SLC25A13: variants seen among roughly 807,000 people sequenced by gnomAD.
SLC25A13 encodes electrogenic aspartate/glutamate antiporter SLC25A13, mitochondrial.
SLC25A13 carries 70 observed loss-of-function variants against 85.5 expected under a neutral mutation model. The observed-to-expected ratio is 0.82, with a 90% CI of 0.68 to 1.00. The LOEUF (loss-of-function observed/expected upper bound fraction) is 1.00. SLC25A13 is among the 50% of genes least tolerant of loss of function. The probability of loss-of-function intolerance (pLI) is 0.00; values close to 1 mark genes in which losing one functional copy is unlikely to be tolerated. For synonymous variants in SLC25A13, 259 were observed against 288.7 expected, an observed-to-expected ratio of 0.90 and a Z score of 1.04; for missense variants, 765 against 819.8, an observed-to-expected ratio of 0.93 and a Z score of 0.82.
chr7:96,127,875 T>C (rs998522304), intron 15 of SLC25A13, among the ~76,000 whole-genome samples: 1 of 152,226 alleles, frequency 6.6e-6, no homozygotes, highest in African/African-American at 2.4e-5. Context: ...CTGAATACCA[T>C]GTATCCTCTC....
intron 13 of SLC25A13, among the ~76,000 whole-genome samples, chr7:96,156,887 A>T (rs1428382838): frequency 6.6e-6 from 1 of 152,148 alleles, no homozygotes; most frequent in African/African-American, 2.4e-5. Flanking sequence ...AACTAGTGAC[A>T]GTTTTAATTT....
Position 96,121,696 on chromosome 7 carries a change from G to A in SLC25A13, c.1800C>T (p.Tyr600=), listed in dbSNP as rs765919667. Residue 600 remains tyrosine (Y), a synonymous_variant, in exon 17 of 18, where the codon TAC becomes TAT. Transcript: ENST00000265631. ...SPQFGVTLLT[Y]ELLQRWFYID... ...TGTAGAACCATCGCTGTAGCAATTC[G>A]TAAGTCAGCAAAGTTACACCAAACT... is the stretch of plus-strand genomic sequence containing the variant. 2.7e-5 allele frequency: 43 copies of A among 1,613,996 alleles called. No homozygotes were observed. Among genetic ancestry groups the A allele is most frequent in the Admixed American group, 3.3e-5 (2 of 60,010 alleles).
At chr7:96,312,871 T>C (rs1799998158) in intron 1 of SLC25A13, among the ~76,000 whole-genome samples, 2 of 152,140 alleles carry the variant, frequency 1.3e-5, no homozygotes, top group Admixed American at 6.5e-5. Flanking sequence ...ACAGAGAAGA[T>C]AGGACATACA....
chr7:96,268,917 C>G (rs1422818928), intron 3 of SLC25A13, among the ~76,000 whole-genome samples: 1 of 152,210 alleles, frequency 6.6e-6, no homozygotes, highest in Non-Finnish European at 1.5e-5. Context: ...ACCTCCAACT[C>G]CTGCAACTCA....
chr7:96,315,357 C>G (rs190487334), intron 1 of SLC25A13, among the ~76,000 whole-genome samples: 16 of 152,330 alleles, frequency 1.1e-4, no homozygotes, highest in African/African-American at 3.6e-4. Context: ...AGGCCACACC[C>G]AAGTCCAATT....
At chr7:96,230,210 C>A (rs1046480973) in intron 4 of SLC25A13, among the ~76,000 whole-genome samples, 3 of 152,104 alleles carry the variant, frequency 2.0e-5, no homozygotes, top group African/African-American at 7.2e-5. Flanking sequence ...ATAAAATGAA[C>A]AAAGGAAGCC....
chr7:96,204,575 A>T (rs2116700715), intron 5 of SLC25A13, among the ~76,000 whole-genome samples: 1 of 152,322 alleles, frequency 6.6e-6, no homozygotes, highest in South Asian at 2.1e-4. Flanking sequence ...AAAGGAAAAA[A>T]AAATTTGGCA....
At chr7:96,318,810 G>A (rs1191845701) in intron 1 of SLC25A13, among the ~76,000 whole-genome samples, 4 of 152,220 alleles carry the variant, frequency 2.6e-5, no homozygotes, top group Non-Finnish European at 5.9e-5. Context: ...ATTTGTCACA[G>A]TGAGTGTAGT....
At chr7:96,214,276 G>T (rs887382831) in intron 4 of SLC25A13, among the ~76,000 whole-genome samples, 1 of 152,002 alleles carries the variant, frequency 6.6e-6, no homozygotes, top group African/African-American at 2.4e-5. Context: ...TTTAAAAGTT[G>T]GGTCACAGAT....
chr7:96,294,573 C>T (rs1799272550), intron 2 of SLC25A13, among the ~76,000 whole-genome samples: 1 of 147,750 alleles, frequency 6.8e-6, no homozygotes, highest in South Asian at 2.2e-4. Context: ...GCGCAACCTG[C>T]ACTCCAGCCT....
chr7:96,189,501 T>C, intron 8 of SLC25A13, 80 bp downstream of exon 8: 1 of 1,549,892 alleles, frequency 6.5e-7, no homozygotes, highest in Non-Finnish European at 8.9e-7. Flanking sequence ...TTTGGCTTCT[T>C]TTTCTCCTGA....
At chr7:96,178,821 C>G (rs906265054) in intron 11 of SLC25A13, among the ~76,000 whole-genome samples, 1 of 152,186 alleles carries the variant, frequency 6.6e-6, no homozygotes, top group African/African-American at 2.4e-5. Flanking sequence ...ACTCAGATTG[C>G]CCCTAGGCAT....
At chr7:96,298,061 T>A (rs1562914875) in intron 1 of SLC25A13, among the ~76,000 whole-genome samples, 1 of 152,168 alleles carries the variant, frequency 6.6e-6, no homozygotes, top group Non-Finnish European at 1.5e-5. Flanking sequence ...AAAAACATCA[T>A]GAGACTGGGT....
intron 13 of SLC25A13, among the ~76,000 whole-genome samples, chr7:96,155,685 A>G (rs2116517242): frequency 6.6e-6 from 1 of 152,324 alleles, no homozygotes; most frequent in South Asian, 2.1e-4. Flanking sequence ...AGCTGTAACT[A>G]CTTGAATAAC....
At chr7:96,255,952 A>G (rs975273108) in intron 3 of SLC25A13, among the ~76,000 whole-genome samples, 1 of 152,196 alleles carries the variant, frequency 6.6e-6, no homozygotes, top group Admixed American at 6.5e-5. Context: ...TTTTCAACCC[A>G]GAATTTCATA....
intron 1 of SLC25A13, among the ~76,000 whole-genome samples, chr7:96,305,218 CAG>C: frequency 6.6e-6 from 1 of 152,126 alleles, no homozygotes; most frequent in African/African-American, 2.4e-5. Context: ...CCCCTGAGCT[CAG>C]GTTATTTAGA....
intron 1 of SLC25A13, among the ~76,000 whole-genome samples, chr7:96,321,351 A>AGATGGGAAT (rs1260344951): frequency 6.6e-6 from 1 of 152,166 alleles, no homozygotes; most frequent in Non-Finnish European, 1.5e-5. Context: ...GGGAGGGGGA[A>AGATGGGAAT]GATGGGAATG....
chr7:96,308,260 A>G (rs535333178), intron 1 of SLC25A13, among the ~76,000 whole-genome samples: 84 of 152,358 alleles, frequency 5.5e-4, no homozygotes, highest in African/African-American at 1.9e-3. Context: ...ATTGAATGAA[A>G]ACAGCACAAC....
intron 3 of SLC25A13, among the ~76,000 whole-genome samples, chr7:96,262,750 T>C (rs1037262111): frequency 4.6e-5 from 7 of 152,152 alleles, no homozygotes; most frequent in Non-Finnish European, 1.0e-4. Context: ...TCTCTATGCA[T>C]AGAAAGTTTC....
Sources: gnomAD v4.1 joint callset for allele counts (sites outside exome capture counted in the v4.1 genomes callset) on GRCh38, gnomAD v4.1.1 for gene constraint, MANE v1.5 for transcripts, NCBI Gene and HGNC (gene_info 2026-07-23, HGNC 2026-07-21) for gene names.